The following TOX2 variants were observed in gnomAD, a reference collection of about 807,000 sequenced individuals.
TOX2 encodes the protein granulosa cell HMG box 1.
A neutral mutation model predicts 47.4 loss-of-function variants in TOX2; 15 were observed. The observed-to-expected ratio is 0.32, with a 90% CI of 0.21 to 0.49. TOX2 has a LOEUF of 0.49. Among genes scored for constraint, TOX2 ranks in the 20% least tolerant of loss-of-function variants. TOX2 has a pLI of 0.99. For missense variants in TOX2, 622 were observed against 673.1 expected (o/e 0.92, Z 0.84); for synonymous variants, 290 against 296.6 (o/e 0.98, Z 0.23).
At chr20:44,056,450 A>C (rs909322422) in intron 5 of TOX2, among the ~76,000 whole-genome samples, 2 of 152,098 alleles carry the variant, frequency 1.3e-5, no homozygotes, top group African/African-American at 4.8e-5. Context: ...TTGCCGTTTT[A>C]TACAGTCTGG....
At chr20:43,986,256 A>AATGTACGTATGT (rs1555836351) in intron 2 of TOX2, among the ~76,000 whole-genome samples, 1 of 149,660 alleles carries the variant, frequency 6.7e-6, no homozygotes, top group Admixed American at 6.6e-5. Flanking sequence ...AGCCTTTTAA[A>AATGTACGTATGT]ATGTATGTAT....
rs373553603 is a variant in TOX2 at position 43,926,557 on chromosome 20, G to A, written c.99+11567G>A. ...CCTCCAGGCACTGTTTAGGTGAACC[G>A]AGCCCTCTGTAGAACAGCGAGCATA... On this transcript the variant is annotated intron_variant, in intron 1 of 8. Transcript: ENST00000341197. Among the ~76,000 whole-genome samples the A allele has an allele frequency of 5.9e-5, 9 of 152,204 alleles. No individual in the cohort carries two copies. The South Asian group carries it at 1.0e-3, about 18-fold the overall frequency.
intron 5 of TOX2, among the ~76,000 whole-genome samples, chr20:44,057,935 T>C (rs1271371390): frequency 6.9e-6 from 1 of 145,872 alleles, no homozygotes; most frequent in African/African-American, 2.8e-5. Context: ...GCAGACTAGC[T>C]CATGCTTATT....
intron 2 of TOX2, among the ~76,000 whole-genome samples, chr20:43,991,057 A>C (rs938310907): frequency 6.6e-6 from 1 of 152,150 alleles, no homozygotes; most frequent in African/African-American, 2.4e-5. Context: ...ACAGGCATGA[A>C]TTGAATTTGA....
chr20:44,030,363 T>C (rs1385798640), intron 3 of TOX2, among the ~76,000 whole-genome samples: 1 of 152,224 alleles, frequency 6.6e-6, no homozygotes, highest in Non-Finnish European at 1.5e-5. Flanking sequence ...CCACCTACTC[T>C]TAGCAGCCAA....
Position 43,988,068 on chromosome 20 carries a change from T to C in TOX2, c.165+14636T>C, listed in dbSNP as rs1600711728. Among the ~76,000 whole-genome samples the C allele has an allele frequency of 3.3e-5, 5 of 152,018 alleles. No homozygotes were observed. The South Asian group carries it at 1.0e-3, about 32-fold the overall frequency. On this transcript the variant is annotated intron_variant, in intron 2 of 8. Coordinates refer to ENST00000341197, the MANE Select transcript of TOX2 (RefSeq NM_001098797.2). The stretch of plus-strand genomic sequence containing the variant: ...CTGAGTAGCGGGGATTACAGGCACA[T>C]GCTACCACACCCAGCTAATTTTTGT...
chr20:44,023,195 G>A (rs1488627512), intron 3 of TOX2, among the ~76,000 whole-genome samples: 3 of 151,938 alleles, frequency 2.0e-5, no homozygotes, highest in South Asian at 2.1e-4. Flanking sequence ...TTGGGAGGCC[G>A]AGGCGAGCAG....
At chr20:44,065,446 G>A (rs1009053920) in intron 6 of TOX2, among the ~76,000 whole-genome samples, 2 of 152,232 alleles carry the variant, frequency 1.3e-5, no homozygotes, top group African/African-American at 4.8e-5. Flanking sequence ...GGCTCAGTGG[G>A]ATGGTGCTTG....
Position 44,051,564 on chromosome 20 carries a change from C to G in TOX2, c.651+19C>G, listed in dbSNP as rs2071512357. The G allele has an allele frequency of 2.6e-6, 4 of 1,553,162 alleles. No homozygotes were observed. The East Asian group carries it at 9.1e-5, about 35-fold the overall frequency. On this transcript the variant is annotated intron_variant, in intron 4 of 8. Coordinates refer to ENST00000341197, the MANE Select transcript of TOX2 (RefSeq NM_001098797.2). The stretch of plus-strand genomic sequence containing the variant: ...TTTCAAGGTATGTGCGGTGGAGGAA[C>G]AGAGCCTGAAGCTGCCCTCCTGTCG...
In TOX2 at chr20:44,051,351, C is replaced by G; in HGVS notation, c.457C>G (p.Arg153Gly). The change falls in exon 4 of 9, where the codon CGG becomes GGG. Residue 153 changes from arginine (R) to glycine (G), a missense_variant. Arg to Gly is a moderately radical substitution (Grantham distance 125). This residue lies in a region of TOX2 where 307 missense variants were observed against 327.3 expected (regional missense o/e 0.94). Coordinates refer to ENST00000341197, the MANE Select transcript of TOX2 (RefSeq NM_001098797.2). ...HSEVAAYDSG[R>G]PGPLLGRPAM... ...GGAAGTGGCTGCCTATGACTCGGGC[C>G]GGCCCGGGCCCCTGCTGGGTCGCCC... 1 of 1,613,270 alleles carries G rather than the reference C, an allele frequency of 6.2e-7. No individual in the cohort carries two copies.
At chr20:43,959,123 G>A (rs530586978) in intron 1 of TOX2, among the ~76,000 whole-genome samples, 82 of 152,192 alleles carry the variant, frequency 5.4e-4, no homozygotes, top group Non-Finnish European at 8.8e-4. Flanking sequence ...GGGTGAAAGC[G>A]GGGAGCTGGC....
rs1475370678 is a variant in TOX2 at position 43,915,215 on chromosome 20, C to A, written c.99+225C>A. Among the ~76,000 whole-genome samples the A allele has an allele frequency of 1.3e-5, 2 of 152,154 alleles. No individual in the cohort carries two copies. Among genetic ancestry groups the A allele is most frequent in the African/African-American group, 2.4e-5 (1 of 41,450 alleles). On this transcript the variant is annotated intron_variant, in intron 1 of 8. Coordinates refer to ENST00000341197, the MANE Select transcript of TOX2 (RefSeq NM_001098797.2). This position sits in a 1 kb window ranked among gnomAD's most constrained non-coding sequence, Gnocchi z 7.1. The stretch of plus-strand genomic sequence containing the variant: ...CCCGTGCGACGACACAGTGGCCCCT[C>A]ACTCGCGTCCCCCTGACAGCCTCGC...
chr20:43,954,562 T>G (rs78935125), intron 1 of TOX2, among the ~76,000 whole-genome samples: 2,466 of 152,230 alleles, frequency 0.016, 64 homozygotes, highest in African/African-American at 0.055. Context: ...ATGGGTCCTG[T>G]GTGCAGAGGG....
chr20:44,011,473 T>C (rs1430003494), intron 3 of TOX2, among the ~76,000 whole-genome samples: 1 of 152,236 alleles, frequency 6.6e-6, no homozygotes, highest in Non-Finnish European at 1.5e-5. Context: ...GATGTGGGGT[T>C]ATCACTTCCT....
At chr20:43,992,107 C>T (rs560900359) in intron 2 of TOX2, among the ~76,000 whole-genome samples, 5 of 152,078 alleles carry the variant, frequency 3.3e-5, no homozygotes, top group Non-Finnish European at 4.4e-5. Context: ...CTTGAAGGGG[C>T]GAGGGAGTTG....
At chr20:43,942,809 C>T (rs1163113086) in intron 1 of TOX2, among the ~76,000 whole-genome samples, 1 of 152,196 alleles carries the variant, frequency 6.6e-6, no homozygotes, top group Non-Finnish European at 1.5e-5. Context: ...AAGGCTGCAG[C>T]TTCTCCACAG....
At chr20:43,917,898 C>G (rs534192648) in intron 1 of TOX2, among the ~76,000 whole-genome samples, 1 of 152,126 alleles carries the variant, frequency 6.6e-6, no homozygotes, top group Non-Finnish European at 1.5e-5. Context: ...GGATTTGTGG[C>G]CCCATGGCTC....
intron 3 of TOX2, among the ~76,000 whole-genome samples, chr20:44,021,823 A>G (rs1440696628): frequency 2.7e-5 from 4 of 147,114 alleles, no homozygotes; most frequent in Non-Finnish European, 4.5e-5. Context: ...TTTTTAAGAG[A>G]TGGGGTTTCC....
At chr20:44,028,712 T>A (rs2071103192) in intron 3 of TOX2, among the ~76,000 whole-genome samples, 1 of 152,174 alleles carries the variant, frequency 6.6e-6, no homozygotes, top group South Asian at 2.1e-4. Context: ...CCCTGCCAGA[T>A]TCTCTGATGC....
Sources: gnomAD v4.1 joint callset for allele counts (sites outside exome capture counted in the v4.1 genomes callset) on GRCh38, gnomAD v4.1.1 for gene constraint, gnomAD v4.1.1 regional missense constraint, Gnocchi (gnomAD v3.1) non-coding constraint, MANE v1.5 for transcripts, NCBI Gene and HGNC (gene_info 2026-07-23, HGNC 2026-07-21) for gene names.